The following S100A8 variants were observed in gnomAD, a reference collection of about 807,000 sequenced individuals.
The protein encoded by S100A8 is S100 calcium binding protein A8.
Under a neutral mutation model 4.2 loss-of-function variants are expected in S100A8, and 1 was observed. That is an observed-to-expected ratio of 0.24 (90% confidence interval 0.08 to 1.12). The LOEUF is 1.12. Among genes scored for constraint, S100A8 ranks in the 50% most tolerant of loss-of-function variants. The pLI is 0.53. For synonymous variants in S100A8, 41 were observed against 44.7 expected (o/e 0.92, Z 0.33); for missense variants, 96 against 111.8 (o/e 0.86, Z 0.64).
At chr1:153,411,649 A>T in the S100A8 span, among the ~76,000 whole-genome samples, 1 of 152,214 alleles carries the variant, frequency 6.6e-6, no homozygotes, top group Non-Finnish European at 1.5e-5. Context: ...TTCATATGGA[A>T]CCAAAAAAGA....
At chr1:153,415,173 TGTGTGTGTGTGC>T in the S100A8 span, among the ~76,000 whole-genome samples, 1 of 149,736 alleles carries the variant, frequency 6.7e-6, no homozygotes, top group Non-Finnish European at 1.5e-5. Flanking sequence ...TGTGTGTGTT[TGTGTGTGTGTGC>T]GTGTGTGTGT....
chr1:153,416,086 G>T, the S100A8 span, among the ~76,000 whole-genome samples: 2 of 152,224 alleles, frequency 1.3e-5, no homozygotes, highest in African/African-American at 4.8e-5. Context: ...GTGTCTTGAT[G>T]TCTAGACATT....
the S100A8 span, among the ~76,000 whole-genome samples, chr1:153,416,044 G>C: frequency 6.6e-6 from 1 of 152,184 alleles, no homozygotes; most frequent in African/African-American, 2.4e-5. Flanking sequence ...AAGACTATGA[G>C]GGGAGGGTTG....
chr1:153,394,197 C>T (rs1324112411), upstream of S100A8, among the ~76,000 whole-genome samples: 11 of 152,286 alleles, frequency 7.2e-5, no homozygotes, highest in South Asian at 1.7e-3. Flanking sequence ...CCTGACAGGT[C>T]CATCCCTGAG....
chr1:153,415,415 C>T, the S100A8 span, among the ~76,000 whole-genome samples: 24 of 152,214 alleles, frequency 1.6e-4, no homozygotes, highest in Admixed American at 2.6e-4. Flanking sequence ...GGACCTCTTG[C>T]GGCCTACAAG....
the S100A8 span, among the ~76,000 whole-genome samples, chr1:153,400,210 A>T: frequency 6.6e-6 from 1 of 152,192 alleles, no homozygotes; most frequent in African/African-American, 2.4e-5. Context: ...CAGTTGGGTG[A>T]TGGACGGGAG....
chr1:153,417,824 C>T, the S100A8 span: 1 of 465,438 alleles, frequency 2.1e-6, no homozygotes, highest in East Asian at 3.8e-5. Flanking sequence ...GCACTGTCCA[C>T]AGCTGGACTT....
the S100A8 span, among the ~76,000 whole-genome samples, chr1:153,396,932 A>G: frequency 6.6e-6 from 1 of 152,208 alleles, no homozygotes; most frequent in Non-Finnish European, 1.5e-5. Flanking sequence ...AATGCTGCAA[A>G]GAGACAGGGG....
chr1:153,412,083 C>T, the S100A8 span, among the ~76,000 whole-genome samples: 2 of 152,310 alleles, frequency 1.3e-5, no homozygotes, highest in African/African-American at 2.4e-5. Context: ...GCAAAGACTT[C>T]ATGTCTAAAA....
upstream of S100A8, among the ~76,000 whole-genome samples, chr1:153,393,038 TG>T (rs1662137859): frequency 1.3e-5 from 2 of 152,216 alleles, no homozygotes; most frequent in African/African-American, 4.8e-5. Flanking sequence ...ACTATTATAA[TG>T]CCCATTGTAC....
upstream of S100A8, among the ~76,000 whole-genome samples, chr1:153,395,111 G>A (rs182873856): frequency 9.1e-4 from 138 of 152,234 alleles, 1 homozygote; most frequent in African/African-American, 3.2e-3. Flanking sequence ...TGGGGTCAGG[G>A]ATACCGGAGG....
the S100A8 span, among the ~76,000 whole-genome samples, chr1:153,415,723 G>A: frequency 8.5e-5 from 9 of 105,960 alleles, no homozygotes; most frequent in Admixed American, 1.7e-4. Flanking sequence ...CGGGGGGGGC[G>A]GGGGTCACTC....
chr1:153,406,643 A>G, the S100A8 span, among the ~76,000 whole-genome samples: 2 of 152,242 alleles, frequency 1.3e-5, no homozygotes, highest in Non-Finnish European at 2.9e-5. Flanking sequence ...GAGATCTTCT[A>G]GAGACCCAGG....
At chr1:153,405,281 C>A in the S100A8 span, among the ~76,000 whole-genome samples, 1 of 151,206 alleles carries the variant, frequency 6.6e-6, no homozygotes, top group Non-Finnish European at 1.5e-5. Context: ...CCTCCCTTAT[C>A]AGGCTAACAG....
the S100A8 span, chr1:153,418,147 G>T: frequency 6.2e-7 from 1 of 1,614,046 alleles, no homozygotes; most frequent in South Asian, 1.1e-5. Flanking sequence ...AAATACACCG[G>T]ACGTGATGGC....
At chr1:153,408,794 C>T in the S100A8 span, among the ~76,000 whole-genome samples, 2 of 152,222 alleles carry the variant, frequency 1.3e-5, no homozygotes, top group Non-Finnish European at 1.5e-5. Flanking sequence ...AGAAACTCTA[C>T]AAGCCAGAAG....
chr1:153,400,149 A>G, the S100A8 span, among the ~76,000 whole-genome samples: 6 of 152,202 alleles, frequency 3.9e-5, no homozygotes, highest in Non-Finnish European at 7.3e-5. Context: ...TGGCCAGGGC[A>G]AGACTGTGAT....
the S100A8 span, among the ~76,000 whole-genome samples, chr1:153,400,420 A>T: frequency 6.6e-6 from 1 of 151,656 alleles, no homozygotes; most frequent in African/African-American, 2.4e-5. Context: ...GGCCCCTTCT[A>T]CTTGGCCCCA....
At chr1:153,415,881 A>C in the S100A8 span, among the ~76,000 whole-genome samples, 1 of 152,206 alleles carries the variant, frequency 6.6e-6, no homozygotes, top group Admixed American at 6.5e-5. Context: ...ACCCTGATGC[A>C]ACCCAAGACC....
Sources: allele counts gnomAD v4.1 joint callset (sites outside exome capture counted in the v4.1 genomes callset), GRCh38; gene constraint gnomAD v4.1.1; transcripts MANE v1.5; gene names NCBI Gene and HGNC (gene_info 2026-07-23, HGNC 2026-07-21).